TSPEAR: variants seen among roughly 807,000 people sequenced by gnomAD.
TSPEAR encodes the protein thrombospondin type laminin G domain and EAR repeats.
In TSPEAR, 69 loss-of-function variants were observed where a neutral mutation model predicts 71.6. That is an observed-to-expected ratio of 0.96 (90% CI 0.79 to 1.18). The LOEUF is 1.18. TSPEAR is among the 50% of genes most tolerant of loss of function. The pLI, the probability that TSPEAR is intolerant of heterozygous loss-of-function variation, is 0.00. For missense variants in TSPEAR, 971 were observed against 894.9 expected, an observed-to-expected ratio of 1.09 and a Z score of -1.09; for synonymous variants, 402 against 387.2, an observed-to-expected ratio of 1.04 and a Z score of -0.45.
intron 1 of TSPEAR, among the ~76,000 whole-genome samples, chr21:44,688,592 C>T (rs1165825332): frequency 4.6e-5 from 7 of 152,018 alleles, no homozygotes. Context: ...TGGTGGCGGG[C>T]GCCTGTAGTC....
Position 44,506,537 on chromosome 21 carries a change from C to G in TSPEAR, c.1755-1656G>C, listed in dbSNP as rs1300871774. Among the ~76,000 whole-genome samples the G allele has an allele frequency of 1.3e-5, 2 of 152,226 alleles. No individual in the cohort carries two copies. Among genetic ancestry groups the G allele is most frequent in the African/African-American group, 4.8e-5 (2 of 41,454 alleles). ...GATCACAGAGGTGTCCAGTGACAGGCAGGGCGGGCAGAGCCCATGGGGCCT... is the reference window on the plus strand; with the variant it reads ...GATCACAGAGGTGTCCAGTGACAGGGAGGGCGGGCAGAGCCCATGGGGCCT... On this transcript the variant is annotated intron_variant, in intron 10 of 11. Coordinates refer to ENST00000323084, the MANE Select transcript of TSPEAR (RefSeq NM_144991.3). The surrounding 1 kb of genome is among the most constrained non-coding windows in gnomAD (Gnocchi z 4.2).
chr21:44,591,778 G>A, intron 1 of TSPEAR: 1 of 1,587,542 alleles, frequency 6.3e-7, no homozygotes, highest in South Asian at 1.1e-5. Context: ...ACAGCACACA[G>A]GCACGCAGCA....
intron 1 of TSPEAR, chr21:44,676,492 T>C (rs1986318198): frequency 3.6e-6 from 3 of 840,856 alleles, no homozygotes; most frequent in South Asian, 1.4e-5. Context: ...AACAGCGTGT[T>C]CGATTCCTCT....
chr21:44,637,784 T>C lies in TSPEAR; in HGVS notation c.83-69779A>G, dbSNP rs1555937316. ...CTTCGTGCCTACCTGCTCCGAGTCT[T>C]CCCCTTCATGCTGCCAGCAGTCTAG... On this transcript the variant is annotated intron_variant, in intron 1 of 11. Coordinates refer to ENST00000323084, the MANE Select transcript of TSPEAR (RefSeq NM_144991.3). The C allele has an allele frequency of 3.0e-6, 4 of 1,351,492 alleles. No individual in the cohort carries two copies. The South Asian group carries it at 5.5e-5, about 18-fold the overall frequency. The allele number at this position is 1,351,492 out of a possible 1,614,324, so 83.7% of individuals were successfully genotyped here.
In TSPEAR at chr21:44,499,237, G is replaced by A. The variant is rs2145898067; in HGVS notation, c.*546C>T. On this transcript the variant is annotated 3_prime_UTR_variant, in exon 12 of 12. Coordinates refer to ENST00000323084, the MANE Select transcript of TSPEAR (RefSeq NM_144991.3). ...AAGCCTCTCTCTGTATGGGGAGGTG[G>A]TCCTCTGTCCGTGTCCGTGGTGAGG... The A allele has an allele frequency of 1.3e-5, 2 of 152,580 alleles. No individual in the cohort carries two copies. The highest frequency in any genetic ancestry group is 1.9e-4 in the East Asian group (1 of 5,190). The allele number at this position is 152,580 out of a possible 1,614,324, so 9.5% of individuals were successfully genotyped here.
At chr21:44,697,371 G>A (rs782600326) in intron 1 of TSPEAR, 197 of 1,613,170 alleles carry the variant, frequency 1.2e-4, no homozygotes, top group Admixed American at 5.8e-4. Flanking sequence ...CCAGTGAGCC[G>A]TGTATCCAGC....
chr21:44,502,805 CG>C (rs782247002), intron 11 of TSPEAR, among the ~76,000 whole-genome samples: 2 of 151,894 alleles, frequency 1.3e-5, no homozygotes, highest in Non-Finnish European at 2.9e-5. Flanking sequence ...GGTGAGCCCC[CG>C]GGGGGAAGCA....
intron 2 of TSPEAR, chr21:44,558,337 G>T (rs1347456595): frequency 6.2e-7 from 1 of 1,613,422 alleles, no homozygotes; most frequent in Non-Finnish European, 8.5e-7. Flanking sequence ...GAGCAGACGG[G>T]CACACAGCAG....
chr21:44,614,845 TA>T (rs1318898146), intron 1 of TSPEAR, among the ~76,000 whole-genome samples: 1 of 151,990 alleles, frequency 6.6e-6, no homozygotes, highest in Non-Finnish European at 1.5e-5. Context: ...GACAAAAGCA[TA>T]AACTCCCAGG....
intron 2 of TSPEAR, among the ~76,000 whole-genome samples, chr21:44,538,056 T>C (rs587676906): frequency 3.3e-5 from 5 of 152,244 alleles, no homozygotes; most frequent in Admixed American, 2.6e-4. Flanking sequence ...CTGTGCCTGT[T>C]CTGACCACAG....
intron 1 of TSPEAR, among the ~76,000 whole-genome samples, chr21:44,639,354 AC>A (rs782392882): frequency 3.3e-5 from 5 of 152,016 alleles, no homozygotes; most frequent in African/African-American, 7.2e-5. Context: ...CCAGCAAATG[AC>A]CCTTGCGTGT....
intron 1 of TSPEAR, chr21:44,675,849 A>G: frequency 1.6e-6 from 1 of 641,168 alleles, no homozygotes; most frequent in East Asian, 2.6e-5. Context: ...ATACGACTTT[A>G]CGAAAATCTT....
rs180794323 is a variant in TSPEAR, at chr21:44,664,719, T to C, written c.82+46714A>G. 5.3e-5 allele frequency among the ~76,000 whole-genome samples: 8 copies of C among 152,358 alleles called. No individual in the cohort carries two copies. The East Asian group carries it at 1.5e-3, about 29-fold the overall frequency. On this transcript the variant is annotated intron_variant, in intron 1 of 11. Coordinates refer to ENST00000323084, the MANE Select transcript of TSPEAR (RefSeq NM_144991.3). ...TGTTGGCAAAAAGATACTTAGCATA[T>C]GACCCAGCTATTCCACTCCTAGACA...
intron 1 of TSPEAR, among the ~76,000 whole-genome samples, chr21:44,583,380 C>G (rs893961443): frequency 9.2e-5 from 14 of 152,266 alleles, no homozygotes; most frequent in Non-Finnish European, 1.9e-4. Flanking sequence ...CCCAGCACAA[C>G]TCTGGAGACG....
intron 1 of TSPEAR, among the ~76,000 whole-genome samples, chr21:44,665,464 C>T (rs587729123): frequency 4.6e-5 from 7 of 152,344 alleles, no homozygotes; most frequent in South Asian, 2.1e-4. Context: ...ACCAGCACAA[C>T]GCAGACTGGG....
At chr21:44,517,884 CTGA>C (rs1335979335) in intron 9 of TSPEAR, 2 of 471,112 alleles carry the variant, frequency 4.2e-6, no homozygotes, top group Non-Finnish European at 8.8e-6. Flanking sequence ...CCCTTTCAGT[CTGA>C]TGAGATCTGG....
chr21:44,558,722 G>C, intron 2 of TSPEAR: 2 of 1,586,794 alleles, frequency 1.3e-6, no homozygotes, highest in Non-Finnish European at 1.7e-6. Flanking sequence ...CCATGCTGGG[G>C]TGGGGAGGAG....
chr21:44,517,710 C>T (rs1330545194), intron 9 of TSPEAR: 18 of 467,584 alleles, frequency 3.8e-5, no homozygotes, highest in African/African-American at 2.8e-4. Flanking sequence ...CAGTGGCCAG[C>T]GTCCTTGTCC....
At chr21:44,595,058 G>A (rs1391563559) in intron 1 of TSPEAR, among the ~76,000 whole-genome samples, 3 of 152,144 alleles carry the variant, frequency 2.0e-5, no homozygotes, top group Admixed American at 2.0e-4. Flanking sequence ...TTGACCTCAA[G>A]TGATCCACCT....
Sources: allele counts gnomAD v4.1 joint callset (sites outside exome capture counted in the v4.1 genomes callset), GRCh38; gene constraint gnomAD v4.1.1; non-coding constraint Gnocchi (gnomAD v3.1); transcripts MANE v1.5; gene names NCBI Gene and HGNC (gene_info 2026-07-23, HGNC 2026-07-21).